The following DBR1 variants were observed in gnomAD, a reference collection of about 807,000 sequenced individuals.
The protein encoded by DBR1 is lariat debranching enzyme.
In DBR1, 33 loss-of-function variants were observed where a neutral mutation model predicts 45.9. The ratio of observed to expected loss-of-function variants is 0.72; its 90% confidence interval spans 0.55 to 0.96. The LOEUF (loss-of-function observed/expected upper bound fraction) is 0.96. Among genes scored for constraint, DBR1 ranks in the 40% least tolerant of loss-of-function variants. DBR1 has a pLI of 0.00. For missense variants in DBR1, 619 were observed against 667.4 expected (o/e 0.93, Z 0.80); for synonymous variants, 235 against 235.9 (o/e 1.00, Z 0.04).
chr3:138,171,027 T>C (rs2042951067), intron 3 of DBR1, among the ~76,000 whole-genome samples: 1 of 152,040 alleles, frequency 6.6e-6, no homozygotes, highest in African/African-American at 2.4e-5. Flanking sequence ...TGTAAAATAA[T>C]CAAGTAAATT....
Position 138,170,127 on chromosome 3 carries a change from C to T in DBR1, c.469G>A (p.Glu157Lys). The T allele has an allele frequency of 6.3e-7, 1 of 1,590,102 alleles. No individual in the cohort carries two copies. Among genetic ancestry groups the T allele is most frequent in the Non-Finnish European group, 8.6e-7 (1 of 1,162,144 alleles). The change falls in exon 4 of 8, where the codon GAA becomes AAA. Residue 157 changes from glutamate (E) to lysine (K), a missense_variant. Glu to Lys is a moderately conservative substitution (Grantham distance 56). This residue lies in a region of DBR1 where 430 missense variants were observed against 447.7 expected (regional missense o/e 0.96). Coordinates refer to ENST00000260803, the MANE Select transcript of DBR1 (RefSeq NM_016216.4). Reference sequence around the variant, plus strand: ...CGTACCTGTTTTAATTTATAGACTTCAATATTTCTCACATGATATATACTC... The same window carrying T: ...CGTACCTGTTTTAATTTATAGACTTTAATATTTCTCACATGATATATACTC... ...IRSIYHVRNIEVYKLKQLKQP... is the reference protein window; with the variant it reads ...IRSIYHVRNIKVYKLKQLKQP...
chr3:138,163,641 ATAAG>A (rs1394463164), intron 6 of DBR1, 133 bp downstream of exon 6: 2 of 706,538 alleles, frequency 2.8e-6, no homozygotes, highest in East Asian at 3.4e-5. Flanking sequence ...TTTTAAATTA[ATAAG>A]TAAGATACCC....
intron 6 of DBR1, 44 bp downstream of exon 6, chr3:138,163,734 T>A (rs1300982165): frequency 1.4e-6 from 2 of 1,387,468 alleles, no homozygotes; most frequent in Non-Finnish European, 2.0e-6. Flanking sequence ...TTTAAGTCTC[T>A]GGAAGAGTAC....
chr3:138,168,562 C>T (rs2042940862), intron 4 of DBR1, among the ~76,000 whole-genome samples: 2 of 149,432 alleles, frequency 1.3e-5, no homozygotes, highest in Non-Finnish European at 1.5e-5. Context: ...CAAGACAATA[C>T]AAAATATTAG....
At chr3:138,173,419 T>C in intron 2 of DBR1, 83 bp downstream of exon 2, 1 of 1,430,928 alleles carries the variant, frequency 7.0e-7, no homozygotes. Context: ...ACCATACATG[T>C]CAAGACACAG....
rs1174016304 is a variant in DBR1, at chr3:138,174,497, AG to A, written c.197+101del. The stretch of plus-strand genomic sequence containing the variant: ...TCAGTTAGGCACCAATTAGAGATAC[AG>A]AGAGAACAAAGACAGGATCTAAGGG... On this transcript the variant is annotated intron_variant, in intron 1 of 7. Coordinates refer to ENST00000260803, the MANE Select transcript of DBR1 (RefSeq NM_016216.4). The A allele has an allele frequency of 2.5e-6, 3 of 1,223,610 alleles. No homozygotes were observed. The African/African-American group carries it at 4.5e-5, about 18-fold the overall frequency. The allele number at this position is 1,223,610 out of a possible 1,614,324, so 75.8% of individuals were successfully genotyped here.
At chr3:138,166,481 C>T (rs2042930882) in intron 5 of DBR1, among the ~76,000 whole-genome samples, 1 of 152,154 alleles carries the variant, frequency 6.6e-6, no homozygotes, top group African/African-American at 2.4e-5. Flanking sequence ...TTTTCTTTTA[C>T]ATAAATAGCC....
chr3:138,170,032 T>C, intron 4 of DBR1, 75 bp downstream of exon 4: 1 of 965,654 alleles, frequency 1.0e-6, no homozygotes, highest in Non-Finnish European at 1.6e-6. Flanking sequence ...AGTATACCAA[T>C]ATGACCAAAA....
intron 4 of DBR1, among the ~76,000 whole-genome samples, chr3:138,169,488 G>A (rs2042945008): frequency 6.6e-6 from 1 of 151,952 alleles, no homozygotes; most frequent in South Asian, 2.1e-4. Flanking sequence ...AAAATAAAAT[G>A]TTTATTTCAA....
Position 138,167,277 on chromosome 3 carries a change from G to A in DBR1, c.518C>T (p.Ser173Phe). 6.2e-7 allele frequency: 1 copy of A among 1,610,080 alleles called. No individual in the cohort carries two copies. The highest frequency in any genetic ancestry group is 8.5e-7 in the Non-Finnish European group (1 of 1,178,928). Residue 173 changes from serine to phenylalanine, a missense_variant, in exon 5 of 8, where the codon TCT becomes TTT. This residue lies in a region of DBR1 where 430 missense variants were observed against 447.7 expected (regional missense o/e 0.96). Transcript: ENST00000260803. ...ATATATACTTCTTGGCCAATCATGA[G>A]ACAAGAATATATCTATAGGCTGCTT... ...QLKQPIDIFL[S>F]HDWPRSIYHY...
chr3:138,163,273 AAAC>A, intron 7 of DBR1, 73 bp downstream of exon 7: 1 of 1,504,444 alleles, frequency 6.6e-7, no homozygotes, highest in East Asian at 2.3e-5. Flanking sequence ...TTTCAAAACA[AAAC>A]AAAACAAAGG....
At chr3:138,163,721 T>A (rs1410334092) in intron 6 of DBR1, 57 bp downstream of exon 6, 6 of 1,266,436 alleles carry the variant, frequency 4.7e-6, no homozygotes, top group African/African-American at 1.5e-5. Flanking sequence ...AAAATTATAT[T>A]TTTTTAAGTC....
intron 1 of DBR1, 64 bp downstream of exon 1, chr3:138,174,535 C>A: frequency 6.8e-7 from 1 of 1,479,464 alleles, no homozygotes; most frequent in Non-Finnish European, 9.2e-7. Context: ...AACAGGCAGC[C>A]AGTGGCAGAG....
At chr3:138,170,287 C>A (rs1433534568) in intron 3 of DBR1, 95 bp from the exon 4 acceptor site, 2 of 728,964 alleles carry the variant, frequency 2.7e-6, no homozygotes, top group African/African-American at 3.7e-5. Context: ...TCATGTACAC[C>A]TTCAATATAT....
chr3:138,173,405 A>G (rs2042963820), intron 2 of DBR1, 97 bp downstream of exon 2: 2 of 1,231,080 alleles, frequency 1.6e-6, no homozygotes, highest in Non-Finnish European at 2.3e-6. Context: ...GACATTCTCC[A>G]AACACCATAC....
At chr3:138,164,887 TCCACCCGCC>T (rs2042923391) in intron 5 of DBR1, among the ~76,000 whole-genome samples, 2 of 152,190 alleles carry the variant, frequency 1.3e-5, no homozygotes, top group Non-Finnish European at 2.9e-5. Flanking sequence ...CCTCAAGTGA[TCCACCCGCC>T]TTGGCCTCCC....
chr3:138,168,532 A>C (rs1421670131), intron 4 of DBR1, among the ~76,000 whole-genome samples: 4 of 152,052 alleles, frequency 2.6e-5, no homozygotes, highest in South Asian at 2.1e-4. Flanking sequence ...AAAAAAAAAA[A>C]AAAAACTTAA....
At chr3:138,167,054 T>C (rs374090939) in intron 5 of DBR1, 27 bp downstream of exon 5, 113 of 1,594,730 alleles carry the variant, frequency 7.1e-5, no homozygotes, top group Non-Finnish European at 9.1e-5. Context: ...GTGTGTTAAA[T>C]GAAAGAATAA....
At chr3:138,164,224 C>T (rs1007989161) in intron 5 of DBR1, 4 of 156,554 alleles carry the variant, frequency 2.6e-5, no homozygotes, top group African/African-American at 9.6e-5. Context: ...TTTAGAAGAA[C>T]CCACAGGAGA....
Sources: gnomAD v4.1 joint callset for allele counts (sites outside exome capture counted in the v4.1 genomes callset) on GRCh38, gnomAD v4.1.1 for gene constraint, gnomAD v4.1.1 regional missense constraint, MANE v1.5 for transcripts, NCBI Gene and HGNC (gene_info 2026-07-23, HGNC 2026-07-21) for gene names.